Variants in SYT16 observed in about 807,000 individuals in gnomAD.
SYT16 encodes the protein synaptotagmin-16.
Under a neutral mutation model 61.4 loss-of-function variants are expected in SYT16, and 42 were observed. That is an observed-to-expected ratio of 0.68 (90% CI 0.53 to 0.89). SYT16 has a LOEUF of 0.89. Ranked by LOEUF, SYT16 falls within the 40% of genes least tolerant of loss-of-function variation. The pLI is 0.00. For synonymous variants in SYT16, 314 were observed against 302.3 expected (o/e 1.04, Z -0.40); for missense variants, 804 against 807.3 (o/e 1.00, Z 0.05).
intron 1 of SYT16, among the ~76,000 whole-genome samples, chr14:61,906,532 T>C (rs2140369108): frequency 6.6e-6 from 1 of 152,328 alleles, no homozygotes; most frequent in Non-Finnish European, 1.5e-5. Flanking sequence ...ATAGTTTTCC[T>C]TCTCTTATTT....
chr14:61,823,574 C>CAAAAAAAAAAAAA (rs55935256), intron 1 of SYT16, among the ~76,000 whole-genome samples: 21 of 70,952 alleles, frequency 3.0e-4, no homozygotes, highest in Non-Finnish European at 3.7e-4. Context: ...ACTAAAAATA[C>CAAAAAAAAAAAAA]AAAAAAAAAA....
At chr14:62,099,901 C>G (rs565076074) in intron 7 of SYT16, among the ~76,000 whole-genome samples, 3 of 151,332 alleles carry the variant, frequency 2.0e-5, no homozygotes, top group East Asian at 1.9e-4. Flanking sequence ...CTGTCTGTCT[C>G]TCTCTCACTC....
In SYT16 at chr14:62,089,447, A is replaced by G. The variant is rs568109927; in HGVS notation, c.1624+5062A>G. ...TTTCTTCTTTTCGAACTTCATTTCT[A>G]TGTATCTATCTGTCTATCAATCATC... is the stretch of plus-strand genomic sequence containing the variant. On this transcript the variant is annotated intron_variant, in intron 7 of 7. Transcript: ENST00000683842. Among the ~76,000 whole-genome samples the G allele has an allele frequency of 2.6e-5, 4 of 152,194 alleles. No homozygotes were observed. The East Asian group carries it at 5.8e-4, about 22-fold the overall frequency.
At chr14:61,963,800 G>A (rs1239168329) in intron 1 of SYT16, among the ~76,000 whole-genome samples, 1 of 152,178 alleles carries the variant, frequency 6.6e-6, no homozygotes, top group East Asian at 1.9e-4. Flanking sequence ...AGCTGGCCCT[G>A]TTGGTAAGGG....
At chr14:61,929,302 T>A (rs2049666260) in intron 1 of SYT16, among the ~76,000 whole-genome samples, 1 of 152,206 alleles carries the variant, frequency 6.6e-6, no homozygotes, top group African/African-American at 2.4e-5. Flanking sequence ...TTTGAGTTGT[T>A]TAAATTTTAT....
intron 1 of SYT16, among the ~76,000 whole-genome samples, chr14:61,951,836 A>G (rs1162000654): frequency 6.6e-6 from 1 of 152,074 alleles, no homozygotes; most frequent in Non-Finnish European, 1.5e-5. Context: ...GTTGCCCAGG[A>G]TGGAGGGCAG....
chr14:61,813,142 C>T (rs2045320154), intron 1 of SYT16, among the ~76,000 whole-genome samples: 1 of 152,270 alleles, frequency 6.6e-6, no homozygotes, highest in East Asian at 1.9e-4. Flanking sequence ...CAAACGAAGG[C>T]ACTGCGCGTT....
chr14:62,078,155 C>CTATATATATATATATATATA (rs374965535), intron 5 of SYT16, among the ~76,000 whole-genome samples: 8 of 136,002 alleles, frequency 5.9e-5, no homozygotes, highest in African/African-American at 2.3e-4. Context: ...CTCTCTCTCT[C>CTATATATATATATATATATA]TATATATATA....
chr14:61,985,360 G>A (rs908835475), intron 2 of SYT16, among the ~76,000 whole-genome samples: 6 of 152,190 alleles, frequency 3.9e-5, no homozygotes, highest in Admixed American at 2.6e-4. Flanking sequence ...GAGGGGGCCA[G>A]TATAAATAAG....
At chr14:62,051,435 T>C (rs2055289608) in intron 3 of SYT16, among the ~76,000 whole-genome samples, 1 of 152,200 alleles carries the variant, frequency 6.6e-6, no homozygotes, top group South Asian at 2.1e-4. Flanking sequence ...AGGCGATGCC[T>C]CACCCTGCTT....
At chr14:61,914,266 G>T (rs976655045) in intron 1 of SYT16, among the ~76,000 whole-genome samples, 1 of 152,134 alleles carries the variant, frequency 6.6e-6, no homozygotes, top group Non-Finnish European at 1.5e-5. Flanking sequence ...GAAAAGCTTG[G>T]TCTCTGAAGT....
chr14:62,013,628 C>T (rs2053551833), intron 3 of SYT16, among the ~76,000 whole-genome samples: 1 of 152,096 alleles, frequency 6.6e-6, no homozygotes, highest in Admixed American at 6.5e-5. Flanking sequence ...AGTCTTCCTC[C>T]CCACCTCCTT....
intron 3 of SYT16, among the ~76,000 whole-genome samples, chr14:62,037,298 G>A (rs1037011409): frequency 1.1e-4 from 17 of 151,958 alleles, no homozygotes; most frequent in African/African-American, 4.1e-4. Context: ...TGCATACTCT[G>A]TCATCTCCAG....
intron 1 of SYT16, among the ~76,000 whole-genome samples, chr14:61,822,516 T>C (rs537767912): frequency 5.7e-4 from 87 of 152,340 alleles, no homozygotes; most frequent in Non-Finnish European, 8.4e-4. Context: ...CTGTTAACCA[T>C]TGCAGGTGGT....
chr14:61,886,580 T>G (rs996681376), intron 1 of SYT16, among the ~76,000 whole-genome samples: 1 of 152,244 alleles, frequency 6.6e-6, no homozygotes, highest in African/African-American at 2.4e-5. Context: ...CATTCAAGTT[T>G]GACCATAAGA....
intron 1 of SYT16, among the ~76,000 whole-genome samples, chr14:61,877,441 AT>A (rs981315767): frequency 6.6e-6 from 1 of 152,158 alleles, no homozygotes; most frequent in Non-Finnish European, 1.5e-5. Flanking sequence ...GTGTATATGA[AT>A]CTCTTTGAGA....
chr14:62,060,552 G>A (rs1334741737), intron 3 of SYT16, among the ~76,000 whole-genome samples: 3 of 151,490 alleles, frequency 2.0e-5, no homozygotes, highest in Non-Finnish European at 2.9e-5. Flanking sequence ...AATTCTGTCA[G>A]CATTGTTTTC....
At chr14:62,009,806 C>T (rs1229629096) in intron 3 of SYT16, among the ~76,000 whole-genome samples, 2 of 152,156 alleles carry the variant, frequency 1.3e-5, no homozygotes, top group Admixed American at 6.5e-5. Flanking sequence ...CATTGCAACC[C>T]ACTCAGAGGA....
chr14:62,073,613 A>G (rs946326651), intron 4 of SYT16, among the ~76,000 whole-genome samples: 3 of 152,174 alleles, frequency 2.0e-5, no homozygotes, highest in African/African-American at 7.2e-5. Flanking sequence ...AACTTTCTCA[A>G]TGGCCTGCTG....
Sources: gnomAD v4.1 joint callset for allele counts (sites outside exome capture counted in the v4.1 genomes callset) on GRCh38, gnomAD v4.1.1 for gene constraint, MANE v1.5 for transcripts, NCBI Gene and HGNC (gene_info 2026-07-23, HGNC 2026-07-21) for gene names.